The following PIWIL2 variants were observed in gnomAD, a reference collection of about 807,000 sequenced individuals.
PIWIL2 encodes the protein piwi-like protein 2.
In PIWIL2, 81 loss-of-function variants were observed where a neutral mutation model predicts 116.5. That is an observed-to-expected ratio of 0.70 (90% CI 0.58 to 0.84). The LOEUF (loss-of-function observed/expected upper bound fraction) is 0.84, where lower values mean the gene tolerates loss of function less well. Ranked by LOEUF, PIWIL2 falls within the 40% of genes least tolerant of loss-of-function variation. The pLI is 0.00. For missense variants in PIWIL2, 1,272 were observed against 1,212.3 expected (o/e 1.05, Z -0.73); for synonymous variants, 489 against 429.5 (o/e 1.14, Z -1.71).
intron 20 of PIWIL2, among the ~76,000 whole-genome samples, chr8:22,335,031 G>A (rs1831947648): frequency 6.7e-6 from 1 of 149,974 alleles, no homozygotes; most frequent in African/African-American, 2.5e-5. Flanking sequence ...CTCTAGCCTG[G>A]GTGACAGAGT....
intron 10 of PIWIL2, among the ~76,000 whole-genome samples, chr8:22,297,360 C>T (rs1484625833): frequency 1.3e-5 from 2 of 152,150 alleles, no homozygotes; most frequent in Non-Finnish European, 2.9e-5. Flanking sequence ...TTAAGTTATC[C>T]TCCTTCTACA....
chr8:22,289,773 A>G, intron 8 of PIWIL2, 74 bp from the exon 9 acceptor site: 2 of 895,310 alleles, frequency 2.2e-6, no homozygotes, highest in South Asian at 1.4e-5. Flanking sequence ...TCCAAAGGCA[A>G]ATGTAGCTAA....
chr8:22,354,275 G>C lies in PIWIL2; in HGVS notation c.2662G>C (p.Asp888His). 6.2e-7 allele frequency: 1 copy of C among 1,608,116 alleles called. No individual in the cohort carries two copies. Among genetic ancestry groups the C allele is most frequent in the Non-Finnish European group, 8.5e-7 (1 of 1,174,628 alleles). ...DHTITSCEWV[D>H]FYLLAHHVRQ... ...ATTTATGGTTTTCCTTCCTAGGGTGGATTTCTATCTTCTTGCCCATCATGT... is the reference window on the plus strand; with the variant it reads ...ATTTATGGTTTTCCTTCCTAGGGTGCATTTCTATCTTCTTGCCCATCATGT... Residue 888 changes from aspartate to histidine, a missense_variant, in exon 22 of 23, where the codon GAT (aspartate) becomes CAT (histidine). Asp to His is a moderately conservative substitution (Grantham distance 81). Coordinates refer to ENST00000356766, the MANE Select transcript of PIWIL2 (RefSeq NM_018068.5).
At chr8:22,328,473 G>T (rs571298259) in intron 20 of PIWIL2, among the ~76,000 whole-genome samples, 1 of 152,122 alleles carries the variant, frequency 6.6e-6, no homozygotes, top group Non-Finnish European at 1.5e-5. Flanking sequence ...GCAAAAAAAG[G>T]CCATTGAAAC....
intron 1 of PIWIL2, 75 bp from the exon 2 acceptor site, chr8:22,279,264 ATT>A: frequency 1.3e-6 from 1 of 763,802 alleles, no homozygotes; most frequent in Non-Finnish European, 2.3e-6. Context: ...TCAAAATACT[ATT>A]TTAATGCTTT....
rs375806332 is a variant in PIWIL2 at position 22,294,899 on chromosome 8, G to GAAAAAA, written c.1181+4553_1181+4554insAAAAAA. On this transcript the variant is annotated intron_variant, in intron 10 of 22. Coordinates refer to ENST00000356766, the MANE Select transcript of PIWIL2 (RefSeq NM_018068.5). ...AACATGGTGAAATCCCATCTTTACT[G>GAAAAAA]GAAAAAAAAAAAAAAAAAAAAAAAA... Among the ~76,000 whole-genome samples the GAAAAAA allele has an allele frequency of 1.2e-3, 92 of 79,414 alleles. 22 individuals carry two copies. Among genetic ancestry groups the GAAAAAA allele is most frequent in the East Asian group, 2.5e-3 (7 of 2,818 alleles). 52.1% of individuals were successfully genotyped at this position (79,414 alleles called of 152,430 possible).
chr8:22,283,725 TG>T (rs1449713137), intron 5 of PIWIL2, among the ~76,000 whole-genome samples: 1 of 152,200 alleles, frequency 6.6e-6, no homozygotes, highest in Admixed American at 6.6e-5. Context: ...GGACAATTTC[TG>T]AAGTTAGATG....
intron 20 of PIWIL2, among the ~76,000 whole-genome samples, chr8:22,326,736 C>G (rs534381494): frequency 6.6e-6 from 1 of 152,278 alleles, no homozygotes; most frequent in African/African-American, 2.4e-5. Context: ...TTGATCCTTT[C>G]ACTTGTTGAT....
chr8:22,285,664 CAG>C (rs1175026371), intron 6 of PIWIL2, among the ~76,000 whole-genome samples: 12 of 151,140 alleles, frequency 7.9e-5, no homozygotes, highest in East Asian at 1.9e-4. Flanking sequence ...TCTTTTGAGA[CAG>C]GGTCTCAATC....
intron 20 of PIWIL2, among the ~76,000 whole-genome samples, chr8:22,323,954 A>G (rs568714494): frequency 1.8e-4 from 28 of 152,264 alleles, no homozygotes; most frequent in South Asian, 1.2e-3. Context: ...GCCTCTCCCA[A>G]GGCACCAGTA....
At chr8:22,329,469 TGA>T (rs1420866889) in intron 20 of PIWIL2, among the ~76,000 whole-genome samples, 3 of 151,850 alleles carry the variant, frequency 2.0e-5, no homozygotes, top group Admixed American at 6.6e-5. Context: ...CAGGAGTAAA[TGA>T]GAGAGAGAGA....
rs58640312 is a variant in PIWIL2 at position 22,324,079 on chromosome 8, T to A, written c.2403+5804T>A. Among the ~76,000 whole-genome samples, 883 of 152,156 alleles carry A rather than the reference T, an allele frequency of 5.8e-3. 6 individuals are homozygous for A. Among genetic ancestry groups the A allele is most frequent in the African/African-American group, 0.02 (845 of 41,516 alleles). ...GAGTTCAAGACCAGCCTGACCAACA[T>A]GATGAAACCCTGTCTTTACTAAAAA... On this transcript the variant is annotated intron_variant, in intron 20 of 22. Coordinates refer to ENST00000356766, the MANE Select transcript of PIWIL2 (RefSeq NM_018068.5).
chr8:22,346,792 G>A (rs1043644289), intron 20 of PIWIL2, among the ~76,000 whole-genome samples: 2 of 152,158 alleles, frequency 1.3e-5, no homozygotes, highest in Non-Finnish European at 2.9e-5. Flanking sequence ...CATGCCTGTA[G>A]GCGCAGCTAC....
At chr8:22,302,584 A>G (rs1378452219) in intron 10 of PIWIL2, among the ~76,000 whole-genome samples, 1 of 151,668 alleles carries the variant, frequency 6.6e-6, no homozygotes, top group Non-Finnish European at 1.5e-5. Flanking sequence ...GTTTTTCCTT[A>G]TTATCATTTT....
chr8:22,293,505 A>T (rs1269797579), intron 10 of PIWIL2, among the ~76,000 whole-genome samples: 1 of 152,010 alleles, frequency 6.6e-6, no homozygotes, highest in African/African-American at 2.4e-5. Context: ...TTCTATTTTT[A>T]GTAGAGACAG....
At chr8:22,343,450 T>A (rs139471990) in intron 20 of PIWIL2, among the ~76,000 whole-genome samples, 9,153 of 149,996 alleles carry the variant, frequency 0.061, 341 homozygotes, top group Admixed American at 0.093. Context: ...AAAAAAAAAT[T>A]AGCTGGGCAT....
intron 20 of PIWIL2, among the ~76,000 whole-genome samples, chr8:22,326,193 T>C (rs917921985): frequency 6.6e-6 from 1 of 151,442 alleles, no homozygotes; most frequent in African/African-American, 2.4e-5. Flanking sequence ...GCCATCAACA[T>C]GTCCTGCTTG....
chr8:22,290,018 G>A, intron 9 of PIWIL2, 91 bp downstream of exon 9: 1 of 826,424 alleles, frequency 1.2e-6, no homozygotes, highest in Non-Finnish European at 2.0e-6. Flanking sequence ...AATGTCAGCA[G>A]TAGTTTATGG....
At chr8:22,349,959 A>G (rs1388868589) in intron 20 of PIWIL2, among the ~76,000 whole-genome samples, 2 of 152,206 alleles carry the variant, frequency 1.3e-5, no homozygotes, top group East Asian at 1.9e-4. Context: ...TCCTTTGGTT[A>G]GTGAAGTGGT....
Sources: allele counts gnomAD v4.1 joint callset (sites outside exome capture counted in the v4.1 genomes callset), GRCh38; gene constraint gnomAD v4.1.1; transcripts MANE v1.5; gene names NCBI Gene and HGNC (gene_info 2026-07-23, HGNC 2026-07-21).